Variants in CCT8 observed in about 807,000 individuals in gnomAD.
CCT8 encodes the protein T-complex protein 1 subunit theta.
CCT8 carries 10 observed loss-of-function variants against 65.7 expected under a neutral mutation model. The ratio of observed to expected loss-of-function variants is 0.15; its 90% CI spans 0.09 to 0.26. CCT8 has a LOEUF of 0.26. Ranked by LOEUF, CCT8 falls within the 10% of genes least tolerant of loss-of-function variation. CCT8 has a pLI of 1.00. For missense variants in CCT8, 568 were observed against 669.1 expected, an observed-to-expected ratio of 0.85 and a Z score of 1.67; for synonymous variants, 199 against 221.8, an observed-to-expected ratio of 0.90 and a Z score of 0.92.
rs1386849769 is a variant in CCT8 at position 29,056,572 on chromosome 21, A to C, written c.1570-20T>G. 3 of 1,496,498 alleles carry C rather than the reference A, an allele frequency of 2.0e-6. No homozygotes were observed. The highest frequency in any genetic ancestry group is 2.7e-6 in the Non-Finnish European group (3 of 1,109,640). 92.7% of individuals were successfully genotyped at this position (1,496,498 alleles called of 1,614,324 possible). A position where few individuals can be genotyped will look rare whatever the true frequency, so the allele number is the denominator to read the frequency against. On this transcript the variant is annotated intron_variant, in intron 14 of 14. Coordinates refer to ENST00000286788, the MANE Select transcript of CCT8 (RefSeq NM_006585.4). ...GATGATCTGCATAAAAAAGAATCAC[A>C]CAAGAGTATGCTTATCAACTTAACC...
chr21:29,062,733 ACT>A lies in CCT8; in HGVS notation c.942-179_942-178del, dbSNP rs929518542. 2.1e-5 allele frequency: 13 copies of A among 613,616 alleles called. No homozygotes were observed. The Admixed American group carries it at 3.2e-4, about 15-fold the overall frequency. The allele number at this position is 613,616 out of a possible 1,614,324, so 38.0% of individuals were successfully genotyped here. On this transcript the variant is annotated intron_variant, in intron 8 of 14. Coordinates refer to ENST00000286788, the MANE Select transcript of CCT8 (RefSeq NM_006585.4). ...ACTAAGGCCAGGAAGCTGATTCCTGACTCTCTGAGTGAGTCCAGCTGGCCAAT... is the reference window on the plus strand; with the variant it reads ...ACTAAGGCCAGGAAGCTGATTCCTGACTCTGAGTGAGTCCAGCTGGCCAAT...
intron 4 of CCT8, 123 bp downstream of exon 4, chr21:29,067,433 G>T: frequency 4.5e-6 from 3 of 669,916 alleles, no homozygotes; most frequent in Non-Finnish European, 6.8e-6. Flanking sequence ...TATAATGGCT[G>T]GTACAGAGCA....
chr21:29,066,330 C>T (rs551844728), intron 6 of CCT8, among the ~76,000 whole-genome samples: 8 of 152,150 alleles, frequency 5.3e-5, no homozygotes, highest in African/African-American at 1.2e-4. Flanking sequence ...CACCTGAGGT[C>T]GGGAGTTCGA....
intron 2 of CCT8, 82 bp downstream of exon 2, chr21:29,070,165 C>T (rs1303622283): frequency 2.6e-6 from 2 of 781,974 alleles, no homozygotes; most frequent in African/African-American, 1.8e-5. Context: ...CATACCATAA[C>T]ATCCTCAGAA....
intron 3 of CCT8, among the ~76,000 whole-genome samples, chr21:29,067,981 A>G (rs2085642430): frequency 6.6e-6 from 1 of 152,210 alleles, no homozygotes; most frequent in African/African-American, 2.4e-5. Context: ...ATGTTTCACC[A>G]TATCATATTT....
rs765144024 is a variant in CCT8 at position 29,066,863 on chromosome 21, A to T, written c.562+28T>A. ...CATGTTAAAGGTATTTTTATTTTGG[A>T]TCTTTTCATTTACTGATATTTACTT... is the stretch of plus-strand genomic sequence containing the variant. On this transcript the variant is annotated intron_variant, in intron 5 of 14. Coordinates refer to ENST00000286788, the MANE Select transcript of CCT8 (RefSeq NM_006585.4). 3 of 1,587,814 alleles carry T rather than the reference A, an allele frequency of 1.9e-6. No homozygotes were observed. The South Asian group carries it at 3.4e-5, about 18-fold the overall frequency.
chr21:29,063,107 C>T (rs1464250738), intron 8 of CCT8, among the ~76,000 whole-genome samples: 2 of 152,204 alleles, frequency 1.3e-5, no homozygotes, highest in South Asian at 2.1e-4. Context: ...ACAAGTTGTT[C>T]CTTTTGCCTG....
At chr21:29,073,024 C>T (rs1208301312) in intron 1 of CCT8, among the ~76,000 whole-genome samples, 1 of 152,208 alleles carries the variant, frequency 6.6e-6, no homozygotes, top group East Asian at 1.9e-4. Flanking sequence ...GTCAACTAAG[C>T]TGAAAGCCGT....
At position 29,069,450 on chromosome 21, in the gene CCT8, A is replaced by G; in HGVS notation, c.204T>C (p.Asp68=). The G allele has an allele frequency of 6.3e-7, 1 of 1,584,558 alleles. No individual in the cohort carries two copies. The highest frequency in any genetic ancestry group is 8.6e-7 in the Non-Finnish European group (1 of 1,167,716). ...CTAGTTCTCTTAAAATAGTTGCTGC[A>G]TCGTTTGTCACAAACAACTTCTCCA... is the stretch of plus-strand genomic sequence containing the variant. The part of the protein sequence containing the change: ...NHLEKLFVTN[D]AATILRELEV... The change falls in exon 3 of 15, where the codon GAT becomes GAC. Residue 68 remains aspartate, a synonymous_variant. Coordinates refer to ENST00000286788, the MANE Select transcript of CCT8 (RefSeq NM_006585.4).
intron 3 of CCT8, 54 bp from the exon 4 acceptor site, chr21:29,067,759 A>ATTGTCC: frequency 7.7e-7 from 1 of 1,293,548 alleles, no homozygotes; most frequent in Non-Finnish European, 1.0e-6. Context: ...GCAACATAAA[A>ATTGTCC]TTGTTCATTT....
chr21:29,067,890 G>C (rs1052334305), intron 3 of CCT8, among the ~76,000 whole-genome samples, 185 bp from the exon 4 acceptor site: 5 of 152,098 alleles, frequency 3.3e-5, no homozygotes, highest in Admixed American at 3.3e-4. Context: ...CCTTTATGCC[G>C]ATCAGCACAA....
intron 1 of CCT8, chr21:29,071,830 A>C: frequency 3.1e-6 from 2 of 644,912 alleles, no homozygotes; most frequent in East Asian, 2.7e-5. Context: ...AGATCCCCTC[A>C]TTCCCATACT....
chr21:29,073,313 G>A lies in CCT8; in HGVS notation c.60+218C>T, dbSNP rs1383515440. ...GGTGTACAATGTCGATCGTGCCGCC[G>A]ATCCCTCGGCCTTCTCCCGGTCGCG... On this transcript the variant is annotated intron_variant, in intron 1 of 14. Coordinates refer to ENST00000286788, the MANE Select transcript of CCT8 (RefSeq NM_006585.4). 9 of 1,404,878 alleles carry A rather than the reference G, an allele frequency of 6.4e-6. No individual in the cohort carries two copies. The African/African-American group carries it at 7.3e-5, about 11-fold the overall frequency. 87.0% of individuals were successfully genotyped at this position (1,404,878 alleles called of 1,614,324 possible).
chr21:29,062,881 C>T (rs1326921526), intron 8 of CCT8: 1 of 374,874 alleles, frequency 2.7e-6, no homozygotes, highest in Non-Finnish European at 4.8e-6. Context: ...CAAAACTCAA[C>T]AGCATATAGA....
At chr21:29,059,579 A>G (rs935320299) in intron 14 of CCT8, 8 of 152,222 alleles carry the variant, frequency 5.3e-5, no homozygotes, top group Non-Finnish European at 8.8e-5. Flanking sequence ...GCCACATTCT[A>G]ATTTCTAGAA....
At chr21:29,070,427 G>T in intron 1 of CCT8, 90 bp from the exon 2 acceptor site, 1 of 714,480 alleles carries the variant, frequency 1.4e-6, no homozygotes, top group Non-Finnish European at 2.3e-6. Context: ...CTTATATCTT[G>T]CCTCTAATAA....
intron 1 of CCT8, 123 bp from the exon 2 acceptor site, chr21:29,070,460 T>C (rs1026673050): frequency 3.7e-6 from 2 of 534,010 alleles, no homozygotes; most frequent in East Asian, 3.2e-5. Context: ...GCTTAGGTAT[T>C]TGGCACAAGA....
intron 7 of CCT8, among the ~76,000 whole-genome samples, chr21:29,064,409 T>TAAAAAAAAAAAAAAAAAAAAAAAAAAAA (rs34760776): frequency 2.1e-3 from 56 of 26,726 alleles, no homozygotes; most frequent in Non-Finnish European, 2.2e-3. Flanking sequence ...AGCAAGACTC[T>TAAAAAAAAAAAAAAAAAAAAAAAAAAAA]AAAAAAAAAA....
rs1601096907 is a variant in CCT8 at position 29,070,113 on chromosome 21, G to A, written c.151+134C>T. On this transcript the variant is annotated intron_variant, in intron 2 of 14. Coordinates refer to ENST00000286788, the MANE Select transcript of CCT8 (RefSeq NM_006585.4). ...TGAAAATTAGAAATAACTAAAAATT[G>A]GAAATGAACTATCATTGAGCTATCA... The A allele has an allele frequency of 6.2e-5, 30 of 485,358 alleles. No homozygotes were observed. In the East Asian group the frequency reaches 8.7e-4, roughly 14 times the overall value. 30.1% of individuals were successfully genotyped at this position (485,358 alleles called of 1,614,324 possible).
Sources: allele counts gnomAD v4.1 joint callset (sites outside exome capture counted in the v4.1 genomes callset), GRCh38; gene constraint gnomAD v4.1.1; transcripts MANE v1.5; gene names NCBI Gene and HGNC (gene_info 2026-07-23, HGNC 2026-07-21).